Variants in TNKS2 observed in about 807,000 individuals in gnomAD.
TNKS2 encodes the protein tankyrase 2, also known as poly [ADP-ribose] polymerase tankyrase-2.
Under a neutral mutation model 137.6 loss-of-function variants are expected in TNKS2, and 72 were observed. That is an observed-to-expected ratio of 0.52 (90% CI 0.43 to 0.64). The LOEUF is 0.64. Among genes scored for constraint, TNKS2 ranks in the 30% least tolerant of loss-of-function variants. The probability of loss-of-function intolerance (pLI) is 0.00; values close to 1 mark genes in which losing one functional copy is unlikely to be tolerated. For synonymous variants in TNKS2, 516 were observed against 512.1 expected (o/e 1.01, Z -0.10); for missense variants, 1,049 against 1,410.2 (o/e 0.74, Z 4.10).
chr10:91,860,161 CT>C lies in TNKS2; in HGVS notation c.3281+522del, dbSNP rs900759551. Reference sequence around the variant, plus strand: ...ATAATAATCAAATAACTACTTTGCACTTTTTTTTTCCACTTTTAATTACCTG... The same window carrying C: ...ATAATAATCAAATAACTACTTTGCACTTTTTTTTCCACTTTTAATTACCTG... On this transcript the variant is annotated intron_variant, in intron 25 of 26. Transcript: ENST00000371627. 1.2e-4 allele frequency among the ~76,000 whole-genome samples: 18 copies of C among 151,674 alleles called. No homozygotes were observed. In the East Asian group the frequency reaches 1.5e-3, roughly 13 times the overall value.
At chr10:91,819,165 T>G in intron 3 of TNKS2, 105 bp from the exon 4 acceptor site, 2 of 661,616 alleles carry the variant, frequency 3.0e-6, no homozygotes, top group Non-Finnish European at 4.9e-6. Flanking sequence ...ATTGGAAATT[T>G]GTTTCCAAAT....
intron 1 of TNKS2, among the ~76,000 whole-genome samples, chr10:91,810,399 A>AAC (rs1589646720): frequency 2.8e-5 from 1 of 36,200 alleles, no homozygotes; most frequent in East Asian, 2.5e-3. Flanking sequence ...CAACAACAAC[A>AAC]AAAAAAACCC....
chr10:91,819,293 T>C lies in TNKS2; in HGVS notation c.544T>C (p.Leu182=). ...AGGTGAATATAAGAAAGATGAACTC[T>C]TAGAAAGTGCCAGGTACGTACTAAT... ...LTGEYKKDEL[L]ESARSGNEEK... is the part of the protein sequence containing the mutation. Residue 182 remains leucine (L), a synonymous_variant, in exon 4 of 27, where the codon TTA becomes CTA. Coordinates refer to ENST00000371627, the MANE Select transcript of TNKS2 (RefSeq NM_025235.4). 6.8e-7 allele frequency: 1 copy of C among 1,469,012 alleles called. No individual in the cohort carries two copies. 91.0% of individuals were successfully genotyped at this position (1,469,012 alleles called of 1,614,324 possible).
rs1842937532 is a variant in TNKS2 at position 91,864,862 on chromosome 10, C to A, written c.*1863C>A. Reference sequence around the variant, plus strand: ...TACATTATCTCTCAACTATGTAGCCCATATTACTCACCCTATGAGTGAATC... The same window carrying A: ...TACATTATCTCTCAACTATGTAGCCAATATTACTCACCCTATGAGTGAATC... On this transcript the variant is annotated 3_prime_UTR_variant, in exon 27 of 27. Transcript: ENST00000371627. 2 of 152,510 alleles carry A rather than the reference C, an allele frequency of 1.3e-5. No individual in the cohort carries two copies. The highest frequency in any genetic ancestry group is 2.9e-5 in the Non-Finnish European group (2 of 68,016). The allele number at this position is 152,510 out of a possible 1,614,324, so 9.4% of individuals were successfully genotyped here.
At chr10:91,821,982 G>A (rs1844905651) in intron 6 of TNKS2, among the ~76,000 whole-genome samples, 1 of 152,132 alleles carries the variant, frequency 6.6e-6, no homozygotes, top group African/African-American at 2.4e-5. Flanking sequence ...AGAAAAATCT[G>A]CCTCAGCTTG....
chr10:91,821,915 C>T (rs1008486363), intron 6 of TNKS2, among the ~76,000 whole-genome samples: 2 of 152,206 alleles, frequency 1.3e-5, no homozygotes, highest in African/African-American at 4.8e-5. Flanking sequence ...CTTGAAAGCA[C>T]AGAGTTAATG....
At chr10:91,808,662 A>T (rs1360288324) in intron 1 of TNKS2, among the ~76,000 whole-genome samples, 2 of 152,216 alleles carry the variant, frequency 1.3e-5, no homozygotes, top group Non-Finnish European at 1.5e-5. Flanking sequence ...TACCTTTAAA[A>T]TATCCAGAAG....
chr10:91,859,335 C>T, intron 24 of TNKS2, 127 bp from the exon 25 acceptor site: 1 of 649,060 alleles, frequency 1.5e-6, no homozygotes, highest in African/African-American at 1.9e-5. Context: ...ACTTGTTACC[C>T]TTTTTCGTTT....
intron 6 of TNKS2, among the ~76,000 whole-genome samples, chr10:91,821,068 T>TG (rs1844873992): frequency 6.6e-6 from 1 of 152,124 alleles, no homozygotes; most frequent in African/African-American, 2.4e-5. Context: ...GACGGAGTCT[T>TG]GCTCTGTCGC....
chr10:91,817,241 T>C lies in TNKS2; in HGVS notation c.520+12T>C. 1 of 1,597,166 alleles carries C rather than the reference T, an allele frequency of 6.3e-7. No homozygotes were observed. Among genetic ancestry groups the C allele is most frequent in the Non-Finnish European group, 8.6e-7 (1 of 1,168,024 alleles). The stretch of plus-strand genomic sequence containing the variant: ...AGCAGTGCTTACTGGTAAGTCTGTA[T>C]ACTCTGGTTATTCCAGGAAGCCTGT... On this transcript the variant is annotated intron_variant, in intron 3 of 26. Coordinates refer to ENST00000371627, the MANE Select transcript of TNKS2 (RefSeq NM_025235.4).
chr10:91,808,259 T>C (rs1844394462), intron 1 of TNKS2, among the ~76,000 whole-genome samples: 1 of 151,192 alleles, frequency 6.6e-6, no homozygotes, highest in African/African-American at 2.4e-5. Flanking sequence ...TGAGTAGAAG[T>C]GAGGATGCTT....
intron 7 of TNKS2, among the ~76,000 whole-genome samples, chr10:91,823,666 A>G (rs777595255): frequency 1.1e-4 from 16 of 152,028 alleles, no homozygotes; most frequent in Non-Finnish European, 2.2e-4. Flanking sequence ...ATGAGAGTAG[A>G]AGATATATAT....
chr10:91,848,271 T>C, intron 18 of TNKS2, 112 bp from the exon 19 acceptor site: 1 of 1,166,288 alleles, frequency 8.6e-7, no homozygotes, highest in Non-Finnish European at 1.2e-6. Flanking sequence ...TCCATTGTGA[T>C]AGTACTGGCA....
intron 1 of TNKS2, chr10:91,807,431 C>G: frequency 2.5e-6 from 4 of 1,613,848 alleles, no homozygotes; most frequent in Non-Finnish European, 2.5e-6. Context: ...AGGTCTGGTA[C>G]TGCGGCATCG....
chr10:91,803,372 G>A (rs151107140), intron 1 of TNKS2, among the ~76,000 whole-genome samples: 158 of 152,138 alleles, frequency 1.0e-3, no homozygotes, highest in East Asian at 7.7e-4. Flanking sequence ...AAAATGAGCC[G>A]GGCATGGTGG....
At chr10:91,842,799 AGTATC>A (rs1289977089) in intron 16 of TNKS2, among the ~76,000 whole-genome samples, 9 of 152,138 alleles carry the variant, frequency 5.9e-5, no homozygotes, top group African/African-American at 2.2e-4. Context: ...ATTCAAATCA[AGTATC>A]TTCTAATGCC....
intron 1 of TNKS2, among the ~76,000 whole-genome samples, chr10:91,810,988 C>T (rs769962536): frequency 9.3e-5 from 11 of 118,438 alleles, no homozygotes; most frequent in African/African-American, 1.3e-4. Context: ...AGTGCAGTGA[C>T]GTGATCTCGG....
At chr10:91,827,923 C>A (rs1158424792) in intron 8 of TNKS2, among the ~76,000 whole-genome samples, 1 of 152,072 alleles carries the variant, frequency 6.6e-6, no homozygotes, top group Non-Finnish European at 1.5e-5. Context: ...ATCACTATTT[C>A]TTTACAGAGA....
chr10:91,847,237 T>C (rs963630746), intron 18 of TNKS2, among the ~76,000 whole-genome samples: 1 of 152,242 alleles, frequency 6.6e-6, no homozygotes, highest in Non-Finnish European at 1.5e-5. Context: ...AAACAAGTAC[T>C]AATTTATTCC....
Sources: allele counts gnomAD v4.1 joint callset (sites outside exome capture counted in the v4.1 genomes callset), GRCh38; gene constraint gnomAD v4.1.1; transcripts MANE v1.5; gene names NCBI Gene and HGNC (gene_info 2026-07-23, HGNC 2026-07-21).